PSMA5: variants seen among roughly 807,000 people sequenced by gnomAD.
PSMA5 encodes proteasome 20S subunit alpha 5, also known as proteasome subunit alpha type-5.
PSMA5 carries 3 observed loss-of-function variants against 34.5 expected under a neutral mutation model. The observed-to-expected ratio is 0.09, with a 90% CI of 0.04 to 0.22. PSMA5 has a LOEUF of 0.22. PSMA5 is among the 10% of genes least tolerant of loss of function. PSMA5 has a pLI of 1.00. For missense variants in PSMA5, 120 were observed against 286.1 expected (o/e 0.42, Z 4.19); for synonymous variants, 88 against 95.8 (o/e 0.92, Z 0.47).
chr1:109,411,862 C>T lies in PSMA5; in HGVS notation c.458+15G>A. 6.2e-7 allele frequency: 1 copy of T among 1,601,550 alleles called. No individual in the cohort carries two copies. Among genetic ancestry groups the T allele is most frequent in the Middle Eastern group, 1.7e-4 (1 of 6,002 alleles). On this transcript the variant is annotated intron_variant, in intron 6 of 8. Transcript: ENST00000271308. Reference sequence around the variant, plus strand: ...CCTGCAAAAGCATGGGGGAAAATTACAAAATGGTACTTACAGCTGGGGTCC... The same window carrying T: ...CCTGCAAAAGCATGGGGGAAAATTATAAAATGGTACTTACAGCTGGGGTCC...
intron 8 of PSMA5, among the ~76,000 whole-genome samples, chr1:109,402,855 G>A (rs1653594058): frequency 2.0e-5 from 3 of 152,128 alleles, no homozygotes; most frequent in East Asian, 1.9e-4. Context: ...ACAGACATGC[G>A]CCACCACACC....
Position 109,426,395 on chromosome 1 carries a change from C to CCCAACTCACCGGCAG in PSMA5, c.-80_-66dup, listed in dbSNP as rs991096417. 4.4e-6 allele frequency: 7 copies of CCCAACTCACCGGCAG among 1,595,616 alleles called. No individual in the cohort carries two copies. In the African/African-American group the frequency reaches 5.4e-5, roughly 12 times the overall value. On this transcript the variant is annotated 5_prime_UTR_variant, in exon 1 of 9. Transcript: ENST00000271308. ...GAGGACCAACACGACTCCACCGGCA[C>CCCAACTCACCGGCAG]CCAACTCACCGGCAGCCAACTCACC...
In PSMA5 at chr1:109,426,216, A is replaced by G. The variant is rs1231394099; in HGVS notation, c.29+86T>C. The G allele has an allele frequency of 5.8e-6, 9 of 1,560,546 alleles. No homozygotes were observed. In the East Asian group the frequency reaches 9.0e-5, roughly 16 times the overall value. On this transcript the variant is annotated intron_variant, in intron 1 of 8. Transcript: ENST00000271308. ...CAGTCTCGGGTTCCTGGGGAGCCCC[A>G]TGACACGGCAGAACCCAGGCCGCGC...
rs780559692 is a variant in PSMA5 at position 109,415,272 on chromosome 1, C to T, written c.188G>A (p.Ser63Asn). 2 of 1,614,042 alleles carry T rather than the reference C, an allele frequency of 1.2e-6. No homozygotes were observed. The highest frequency in any genetic ancestry group is 8.5e-7 in the Non-Finnish European group (1 of 1,179,918). ...ATCAATCTCTACAATTTTCTCAATG[C>T]TGCTGGGCTCCATCAGTGGGGAAGT... ...RITSPLMEPSSIEKIVEIDAH... is the reference protein window; with the variant it reads ...RITSPLMEPSNIEKIVEIDAH... The change falls in exon 3 of 9, where the codon AGC (serine) becomes AAC (asparagine). Residue 63 changes from serine (S) to asparagine (N), a missense_variant. Ser to Asn is a conservative substitution (Grantham distance 46, BLOSUM62 1). Coordinates refer to ENST00000271308, the MANE Select transcript of PSMA5 (RefSeq NM_002790.4).
chr1:109,415,041 T>G (rs1654136182), intron 3 of PSMA5, 196 bp downstream of exon 3: 3 of 518,622 alleles, frequency 5.8e-6, no homozygotes, highest in Non-Finnish European at 9.6e-6. Context: ...GGAAAGGAAC[T>G]TATGGGAGTA....
intron 2 of PSMA5, 144 bp downstream of exon 2, chr1:109,421,716 A>G (rs991188418): frequency 1.5e-6 from 1 of 661,186 alleles, no homozygotes; most frequent in African/African-American, 1.9e-5. Context: ...TGAAACTGTT[A>G]TAAAAATGGT....
intron 8 of PSMA5, among the ~76,000 whole-genome samples, chr1:109,403,841 G>A (rs1332823905): frequency 6.6e-6 from 1 of 151,870 alleles, no homozygotes; most frequent in African/African-American, 2.4e-5. Context: ...TCTGGGAACA[G>A]ACTTAAAAAA....
chr1:109,421,059 A>G (rs936970386), intron 2 of PSMA5, among the ~76,000 whole-genome samples: 1 of 151,380 alleles, frequency 6.6e-6, no homozygotes, highest in African/African-American at 2.4e-5. Context: ...CATGGTGCAC[A>G]CATCTGTACC....
chr1:109,406,007 C>T (rs1372736074), intron 8 of PSMA5, among the ~76,000 whole-genome samples: 1 of 152,130 alleles, frequency 6.6e-6, no homozygotes, highest in Non-Finnish European at 1.5e-5. Context: ...CAAAGTCTTC[C>T]AGGTTTCTCG....
At chr1:109,417,062 G>A (rs12119154) in intron 2 of PSMA5, among the ~76,000 whole-genome samples, 6,564 of 152,246 alleles carry the variant, frequency 0.043, 215 homozygotes, top group Non-Finnish European at 0.064. Flanking sequence ...CCAAGATCAC[G>A]CCATTGCATT....
chr1:109,406,119 CA>C (rs1292916145), intron 8 of PSMA5, among the ~76,000 whole-genome samples: 1 of 152,242 alleles, frequency 6.6e-6, no homozygotes, highest in Non-Finnish European at 1.5e-5. Flanking sequence ...TTAGAACTGT[CA>C]AATCTGAGGT....
At position 109,415,252 on chromosome 1, in the gene PSMA5, T is replaced by C; in HGVS notation, c.208A>G (p.Ile70Val). Residue 70 changes from isoleucine (I) to valine (V), a missense_variant, in exon 3 of 9, where the codon ATT becomes GTT. Ile to Val is a conservative substitution (Grantham distance 29). Coordinates refer to ENST00000271308, the MANE Select transcript of PSMA5 (RefSeq NM_002790.4). ...EPSSIEKIVE[I>V]DAHIGCAMSG... ...CACTCCTTACCTATGTGAGCATCAA[T>C]CTCTACAATTTTCTCAATGCTGCTG... is the stretch of plus-strand genomic sequence containing the variant. 5.0e-6 allele frequency: 8 copies of C among 1,613,648 alleles called. No individual in the cohort carries two copies. Among genetic ancestry groups the C allele is most frequent in the Non-Finnish European group, 5.9e-6 (7 of 1,179,694 alleles).
At chr1:109,423,959 T>C (rs1387996671) in intron 1 of PSMA5, among the ~76,000 whole-genome samples, 2 of 152,218 alleles carry the variant, frequency 1.3e-5, no homozygotes, top group Non-Finnish European at 2.9e-5. Context: ...ATTCAATATC[T>C]AGCAGCATCC....
At chr1:109,414,521 C>A (rs557713780) in intron 3 of PSMA5, among the ~76,000 whole-genome samples, 21 of 152,224 alleles carry the variant, frequency 1.4e-4, no homozygotes, top group Non-Finnish European at 2.8e-4. Context: ...AGGTCTGGCA[C>A]ATTGTAGGCT....
rs935779776 is a variant in PSMA5 at position 109,399,523 on chromosome 1, T to C, written c.*2490A>G. 9 of 152,342 alleles carry C rather than the reference T, an allele frequency of 5.9e-5. No individual in the cohort carries two copies. The highest frequency in any genetic ancestry group is 1.9e-4 in the East Asian group (1 of 5,192). 9.4% of individuals were successfully genotyped at this position (152,342 alleles called of 1,614,324 possible). Reference sequence around the variant, plus strand: ...AAAGATGAATGGTCTATTGTCTTACTGTCTGAAAAGAAAAAACAACTCAAC... The same window carrying C: ...AAAGATGAATGGTCTATTGTCTTACCGTCTGAAAAGAAAAAACAACTCAAC... On this transcript the variant is annotated 3_prime_UTR_variant, in exon 9 of 9. Transcript: ENST00000271308.
In PSMA5 at chr1:109,411,863, A is replaced by C; in HGVS notation, c.458+14T>G. On this transcript the variant is annotated intron_variant, in intron 6 of 8. Coordinates refer to ENST00000271308, the MANE Select transcript of PSMA5 (RefSeq NM_002790.4). ...CTGCAAAAGCATGGGGGAAAATTACAAAATGGTACTTACAGCTGGGGTCCT... is the reference window on the plus strand; with the variant it reads ...CTGCAAAAGCATGGGGGAAAATTACCAAATGGTACTTACAGCTGGGGTCCT... 7 of 1,602,504 alleles carry C rather than the reference A, an allele frequency of 4.4e-6. No homozygotes were observed. The highest frequency in any genetic ancestry group is 4.3e-6 in the Non-Finnish European group (5 of 1,169,488).
intron 3 of PSMA5, among the ~76,000 whole-genome samples, chr1:109,413,556 C>G (rs1654082730): frequency 6.6e-6 from 1 of 152,150 alleles, no homozygotes; most frequent in South Asian, 2.1e-4. Flanking sequence ...AAATCAAAAG[C>G]CTTTTGCCTC....
At chr1:109,413,493 A>C (rs1466562289) in intron 3 of PSMA5, among the ~76,000 whole-genome samples, 1 of 152,238 alleles carries the variant, frequency 6.6e-6, no homozygotes, top group South Asian at 2.1e-4. Flanking sequence ...CAACCTGGGA[A>C]ACAAGGAAAA....
intron 2 of PSMA5, among the ~76,000 whole-genome samples, chr1:109,421,330 G>A (rs1654434539): frequency 6.6e-6 from 1 of 152,014 alleles, no homozygotes; most frequent in South Asian, 2.1e-4. Context: ...TTGAGGTCAG[G>A]GGTTCGAGAC....
Sources: gnomAD v4.1 joint callset for allele counts (sites outside exome capture counted in the v4.1 genomes callset) on GRCh38, gnomAD v4.1.1 for gene constraint, MANE v1.5 for transcripts, NCBI Gene and HGNC (gene_info 2026-07-23, HGNC 2026-07-21) for gene names.